The following SBF2 variants were observed in gnomAD, a reference collection of about 807,000 sequenced individuals.
SBF2 encodes myotubularin-related protein 13.
Under a neutral mutation model 225.2 loss-of-function variants are expected in SBF2, and 112 were observed. That is an observed-to-expected ratio of 0.50 (90% CI 0.43 to 0.58). The LOEUF is 0.58. Among genes scored for constraint, SBF2 ranks in the 20% least tolerant of loss-of-function variants. The pLI is 0.00. For missense variants in SBF2, 1,996 were observed against 2,206.2 expected (o/e 0.90, Z 1.91); for synonymous variants, 763 against 773.3 (o/e 0.99, Z 0.22).
chr11:9,820,252 A>G (rs1187723083), intron 28 of SBF2, among the ~76,000 whole-genome samples: 2 of 152,248 alleles, frequency 1.3e-5, no homozygotes. Flanking sequence ...AACAAAAATC[A>G]TTACAAGTGA....
chr11:10,013,185 C>A (rs1948520518), intron 6 of SBF2, among the ~76,000 whole-genome samples: 1 of 152,140 alleles, frequency 6.6e-6, no homozygotes, highest in African/African-American at 2.4e-5. Context: ...TGCCACTAGC[C>A]CCAACTATGA....
intron 26 of SBF2, among the ~76,000 whole-genome samples, chr11:9,833,514 G>A (rs894653132): frequency 3.4e-5 from 5 of 148,390 alleles, no homozygotes; most frequent in African/African-American, 9.9e-5. Flanking sequence ...TCCGCCTCCC[G>A]GGTTCACGCC....
intron 2 of SBF2, among the ~76,000 whole-genome samples, chr11:10,110,588 T>C (rs1952790426): frequency 6.6e-6 from 1 of 152,168 alleles, no homozygotes; most frequent in African/African-American, 2.4e-5. Flanking sequence ...TGGATCTAAT[T>C]GTATGGTCTC....
intron 16 of SBF2, among the ~76,000 whole-genome samples, chr11:9,946,847 G>C (rs1306027950): frequency 6.6e-6 from 1 of 152,128 alleles, no homozygotes; most frequent in Admixed American, 6.5e-5. Context: ...ACTTGCAAAA[G>C]CAATTATCCA....
At chr11:10,122,821 T>G (rs372306713) in intron 2 of SBF2, among the ~76,000 whole-genome samples, 2 of 152,206 alleles carry the variant, frequency 1.3e-5, no homozygotes, top group South Asian at 4.1e-4. Flanking sequence ...TACACATTAC[T>G]TGTATGCATC....
chr11:10,182,991 T>C (rs906137491), intron 2 of SBF2, among the ~76,000 whole-genome samples: 2 of 152,054 alleles, frequency 1.3e-5, no homozygotes, highest in Non-Finnish European at 2.9e-5. Context: ...CAGGATGGTC[T>C]TGATCTCTTG....
chr11:9,953,955 C>T (rs1230454280), intron 16 of SBF2, among the ~76,000 whole-genome samples: 2 of 151,922 alleles, frequency 1.3e-5, no homozygotes, highest in Non-Finnish European at 2.9e-5. Context: ...AGGATGTAGA[C>T]ACATAAAAAG....
chr11:10,161,771 G>A (rs1329153226), intron 2 of SBF2, among the ~76,000 whole-genome samples: 1 of 147,166 alleles, frequency 6.8e-6, no homozygotes. Flanking sequence ...CTCAAGACCA[G>A]CCCAGGCAAC....
intron 16 of SBF2, among the ~76,000 whole-genome samples, chr11:9,910,760 C>T (rs1862538147): frequency 6.6e-6 from 1 of 151,190 alleles, no homozygotes; most frequent in Admixed American, 6.6e-5. Context: ...ATAGAAAACA[C>T]AGCTGGGGCT....
At chr11:10,170,739 A>G (rs925329349) in intron 2 of SBF2, among the ~76,000 whole-genome samples, 1 of 152,088 alleles carries the variant, frequency 6.6e-6, no homozygotes, top group Non-Finnish European at 1.5e-5. Context: ...TGCTTTAGGT[A>G]GTATAAACAT....
At chr11:10,160,569 G>C (rs1429024099) in intron 2 of SBF2, among the ~76,000 whole-genome samples, 2 of 152,208 alleles carry the variant, frequency 1.3e-5, no homozygotes, top group African/African-American at 2.4e-5. Context: ...TCTGGTTGAA[G>C]AGATTATGAG....
chr11:10,007,738 C>T (rs1590741350), intron 6 of SBF2, among the ~76,000 whole-genome samples: 1 of 152,154 alleles, frequency 6.6e-6, no homozygotes, highest in East Asian at 1.9e-4. Flanking sequence ...ATATTCAAGT[C>T]TCCCAGGCCC....
In SBF2 at chr11:9,868,886, A is replaced by G. The variant is rs1858473653; in HGVS notation, c.1930-10490T>C. 2.0e-5 allele frequency among the ~76,000 whole-genome samples: 3 copies of G among 152,138 alleles called. No individual in the cohort carries two copies. The South Asian group carries it at 6.2e-4, about 32-fold the overall frequency. ...AGACAGTACTAGCCTGAGGGGTAGC[A>G]CTCACCGGGCACATCTGTTTGTCTC... On this transcript the variant is annotated intron_variant, in intron 17 of 39. Coordinates refer to ENST00000256190, the MANE Select transcript of SBF2 (RefSeq NM_030962.4).
intron 2 of SBF2, among the ~76,000 whole-genome samples, chr11:10,047,437 A>G (rs543986698): frequency 6.6e-6 from 1 of 152,306 alleles, no homozygotes; most frequent in Non-Finnish European, 1.5e-5. Context: ...TCAACAAAAC[A>G]GAATAGAGAG....
chr11:10,176,116 G>C (rs2135267827), intron 2 of SBF2, among the ~76,000 whole-genome samples: 1 of 119,578 alleles, frequency 8.4e-6, no homozygotes, highest in Middle Eastern at 4.0e-3. Flanking sequence ...AATGAAGGCA[G>C]AAATAAAGAT....
At chr11:10,031,754 C>T (rs1189650620) in intron 3 of SBF2, among the ~76,000 whole-genome samples, 1 of 152,062 alleles carries the variant, frequency 6.6e-6, no homozygotes, top group Non-Finnish European at 1.5e-5. Flanking sequence ...ACTCTGTTTC[C>T]GTTTTTGAAA....
chr11:10,042,782 A>G lies in SBF2; in HGVS notation c.279+62T>C. On this transcript the variant is annotated intron_variant, in intron 3 of 39. Coordinates refer to ENST00000256190, the MANE Select transcript of SBF2 (RefSeq NM_030962.4). ...TGCAGTTGTAACAAAAATATGGCAT[A>G]TAAAAAACATTCCTAAATGTTGTAC... 3.8e-6 allele frequency: 6 copies of G among 1,573,782 alleles called. 1 individual carries two copies. In the South Asian group the frequency reaches 6.7e-5, roughly 18 times the overall value.
At chr11:10,192,906 T>G (rs1245030769) in intron 2 of SBF2, among the ~76,000 whole-genome samples, 1 of 152,156 alleles carries the variant, frequency 6.6e-6, no homozygotes, top group Non-Finnish European at 1.5e-5. Context: ...AGAACCAAAC[T>G]TCGTAGACAT....
At chr11:10,000,630 G>C (rs1947915950) in intron 8 of SBF2, among the ~76,000 whole-genome samples, 1 of 152,030 alleles carries the variant, frequency 6.6e-6, no homozygotes, top group Non-Finnish European at 1.5e-5. Flanking sequence ...AGTATAAATA[G>C]AATTTTATCT....
Sources: allele counts gnomAD v4.1 joint callset (sites outside exome capture counted in the v4.1 genomes callset), GRCh38; gene constraint gnomAD v4.1.1; transcripts MANE v1.5; gene names NCBI Gene and HGNC (gene_info 2026-07-23, HGNC 2026-07-21).